MAPT: variants seen among roughly 807,000 people sequenced by gnomAD.
The protein encoded by MAPT is microtubule associated protein tau.
In MAPT, 34 loss-of-function variants were observed where a neutral mutation model predicts 67.9. The ratio of observed to expected loss-of-function variants is 0.50; its 90% CI spans 0.38 to 0.67. The LOEUF (loss-of-function observed/expected upper bound fraction) is 0.67. Ranked by LOEUF, MAPT falls within the 30% of genes least tolerant of loss-of-function variation. The pLI is 0.00. For synonymous variants in MAPT, 456 were observed against 464.5 expected (o/e 0.98, Z 0.23); for missense variants, 881 against 1,115.2 (o/e 0.79, Z 2.99).
At position 45,982,912 on chromosome 17, in the gene MAPT, C is replaced by T; in HGVS notation, c.333C>T (p.Pro111=). Residue 111 remains proline (P), a synonymous_variant, in exon 5 of 13, where the codon CCC becomes CCT. Coordinates refer to ENST00000262410, the MANE Select transcript of MAPT (RefSeq NM_001377265.1). ...PGRQRKAPER[P]LANEISAHVQ... is the part of the protein sequence containing the mutation. ...GGCAGAGGAAGGCGCCTGAAAGGCC[C>T]CTGGCCAATGAGATTAGCGCCCACG... 7.4e-7 allele frequency: 1 copy of T among 1,355,956 alleles called. No homozygotes were observed. Among genetic ancestry groups the T allele is most frequent in the Non-Finnish European group, 9.5e-7 (1 of 1,055,580 alleles). 84.0% of individuals were successfully genotyped at this position (1,355,956 alleles called of 1,614,324 possible).
chr17:45,944,946 A>G (rs896679141), intron 1 of MAPT, among the ~76,000 whole-genome samples: 1 of 151,750 alleles, frequency 6.6e-6, no homozygotes, highest in Non-Finnish European at 1.5e-5. Flanking sequence ...CCAGCAAATC[A>G]CCTCTCGCCA....
chr17:45,966,758 G>T (rs554792415), intron 2 of MAPT, among the ~76,000 whole-genome samples: 1 of 152,266 alleles, frequency 6.6e-6, no homozygotes, highest in African/African-American at 2.4e-5. Context: ...CATAAAACAT[G>T]ATCAGAAGTT....
intron 1 of MAPT, among the ~76,000 whole-genome samples, chr17:45,909,427 G>A (rs1597876592): frequency 1.3e-5 from 2 of 152,118 alleles, no homozygotes; most frequent in Admixed American, 1.3e-4. Context: ...TAATTAGAAG[G>A]TCAGTCCCAA....
intron 5 of MAPT, among the ~76,000 whole-genome samples, chr17:45,984,911 A>G (rs1473435378): frequency 1.3e-5 from 2 of 152,248 alleles, no homozygotes; most frequent in Non-Finnish European, 2.9e-5. Context: ...CCAGAAATGG[A>G]TGTTACTGAA....
chr17:46,014,099 A>T, intron 10 of MAPT, 144 bp from the exon 11 acceptor site: 1 of 693,484 alleles, frequency 1.4e-6, no homozygotes. Context: ...GCTGGGAACC[A>T]CTGTCCAATA....
rs2064343746 is a variant in MAPT, at chr17:45,906,860, C to T, written c.-18+12174C>T. Among the ~76,000 whole-genome samples, 1 of 152,194 alleles carries T rather than the reference C, an allele frequency of 6.6e-6. No individual in the cohort carries two copies. Among genetic ancestry groups the T allele is most frequent in the South Asian group, 2.1e-4 (1 of 4,830 alleles). On this transcript the variant is annotated intron_variant, in intron 1 of 12. Coordinates refer to ENST00000262410, the MANE Select transcript of MAPT (RefSeq NM_001377265.1). This position sits in a 1 kb window ranked among gnomAD's most constrained non-coding sequence, Gnocchi z 4.3. ...CCTGGAACAGACCCGCCAGTTTCTT[C>T]CAGGCATTGCCTCAGTTTGCCCCTC...
intron 12 of MAPT, 65 bp from the exon 13 acceptor site, chr17:46,023,891 C>T: frequency 7.3e-7 from 1 of 1,362,214 alleles, no homozygotes; most frequent in Non-Finnish European, 1.0e-6. Context: ...CCTGGCAGGG[C>T]AGTTGGCAGG....
chr17:45,999,231 TA>T, intron 9 of MAPT: 2 of 1,579,758 alleles, frequency 1.3e-6, no homozygotes, highest in Non-Finnish European at 1.7e-6. Context: ...AAAGCCCCTG[TA>T]AACTCTGACC....
At chr17:45,960,286 G>C (rs539791095) in intron 1 of MAPT, among the ~76,000 whole-genome samples, 1 of 152,240 alleles carries the variant, frequency 6.6e-6, no homozygotes, top group African/African-American at 2.4e-5. Flanking sequence ...CAGAGTCACC[G>C]TGTGCCCTGG....
intron 5 of MAPT, 112 bp downstream of exon 5, chr17:45,984,042 C>T (rs1441070650): frequency 1.2e-5 from 11 of 920,148 alleles, no homozygotes; most frequent in East Asian, 2.4e-5. Context: ...TTCTGACGTT[C>T]CTAGGACGCC....
In MAPT at chr17:45,962,431, C is replaced by T; in HGVS notation, c.94C>T (p.His32Tyr). The T allele has an allele frequency of 6.2e-7, 1 of 1,612,836 alleles. No homozygotes were observed. Among genetic ancestry groups the T allele is most frequent in the Non-Finnish European group, 8.5e-7 (1 of 1,179,924 alleles). Residue 32 changes from histidine to tyrosine, a missense_variant, in exon 2 of 13, where the codon CAC becomes TAC. By Grantham distance (83) the His-to-Tyr change is moderately conservative. Coordinates refer to ENST00000262410, the MANE Select transcript of MAPT (RefSeq NM_001377265.1). Reference protein sequence around the residue: ...DRKDQGGYTMHQDQEGDTDAG... With the variant: ...DRKDQGGYTMYQDQEGDTDAG... ...GAAAGATCAGGGGGGCTACACCATGCACCAAGACCAAGAGGGTGACACGGA... is the reference window on the plus strand; with the variant it reads ...GAAAGATCAGGGGGGCTACACCATGTACCAAGACCAAGAGGGTGACACGGA...
At position 45,906,482 on chromosome 17, in the gene MAPT, C is replaced by T. The variant is rs1396621355; in HGVS notation, c.-18+11796C>T. ...TCTGACATCTGTTTGGTGTCAAAGG[C>T]ACGGGGCAGGCGCGTTAATTGAACT... On this transcript the variant is annotated intron_variant, in intron 1 of 12. Transcript: ENST00000262410. This position sits in a 1 kb window ranked among gnomAD's most constrained non-coding sequence, Gnocchi z 4.3. Among the ~76,000 whole-genome samples, 1 of 152,146 alleles carries T rather than the reference C, an allele frequency of 6.6e-6. No individual in the cohort carries two copies. Among genetic ancestry groups the T allele is most frequent in the Non-Finnish European group, 1.5e-5 (1 of 68,038 alleles).
chr17:46,003,698 A>G (rs8070723), intron 9 of MAPT, among the ~76,000 whole-genome samples: 27,254 of 152,218 alleles, frequency 0.18, 2,746 homozygotes, highest in Middle Eastern at 0.23. Context: ...GCCTCTCCTC[A>G]ATCAGGGCCA....
At chr17:45,999,325 A>G in intron 9 of MAPT, 1 of 1,613,878 alleles carries the variant, frequency 6.2e-7, no homozygotes, top group South Asian at 1.1e-5. Flanking sequence ...TGCAGCCCCC[A>G]CAAGACTGTG....
chr17:45,902,781 C>G (rs552047014), intron 1 of MAPT, among the ~76,000 whole-genome samples: 9 of 152,286 alleles, frequency 5.9e-5, no homozygotes, highest in African/African-American at 2.2e-4. Context: ...ATGTCCAACA[C>G]TAAAAACAGT....
chr17:45,999,101 C>T, intron 9 of MAPT: 1 of 1,177,548 alleles, frequency 8.5e-7, no homozygotes, highest in Non-Finnish European at 1.2e-6. Flanking sequence ...TTCTGCCATA[C>T]CCTGCCCTGT....
chr17:45,916,621 C>A (rs1438190179), intron 1 of MAPT, among the ~76,000 whole-genome samples: 1 of 152,188 alleles, frequency 6.6e-6, no homozygotes, highest in East Asian at 1.9e-4. Flanking sequence ...TGACAGCCTT[C>A]AGTGGAGTTG....
At chr17:45,970,467 TGGACA>T in intron 2 of MAPT, among the ~76,000 whole-genome samples, 1 of 152,362 alleles carries the variant, frequency 6.6e-6, no homozygotes, top group African/African-American at 2.4e-5. Context: ...TGGTCCCCTG[TGGACA>T]GCCCAGGTGG....
intron 1 of MAPT, among the ~76,000 whole-genome samples, chr17:45,923,895 G>A (rs182541479): frequency 1.3e-5 from 2 of 152,304 alleles, no homozygotes; most frequent in East Asian, 1.9e-4. Flanking sequence ...TTCCTCATCT[G>A]TAAGATTGGA....
Sources: gnomAD v4.1 joint callset for allele counts (sites outside exome capture counted in the v4.1 genomes callset) on GRCh38, gnomAD v4.1.1 for gene constraint, Gnocchi (gnomAD v3.1) non-coding constraint, MANE v1.5 for transcripts, NCBI Gene and HGNC (gene_info 2026-07-23, HGNC 2026-07-21) for gene names.